CEP85L: variants seen among roughly 807,000 people sequenced by gnomAD.
The protein encoded by CEP85L is centrosomal protein 85L.
In CEP85L, 60 loss-of-function variants were observed where a neutral mutation model predicts 100.3. That is an observed-to-expected ratio of 0.60 (90% confidence interval 0.49 to 0.74). The LOEUF is 0.74. CEP85L is among the 30% of genes least tolerant of loss of function. The pLI, the probability that CEP85L is intolerant of heterozygous loss-of-function variation, is 0.00. For synonymous variants in CEP85L, 319 were observed against 322.7 expected (o/e 0.99, Z 0.12); for missense variants, 973 against 936.2 (o/e 1.04, Z -0.51).
chr6:118,471,847 C>A (rs956168871), intron 10 of CEP85L, among the ~76,000 whole-genome samples: 1 of 150,804 alleles, frequency 6.6e-6, no homozygotes, highest in Non-Finnish European at 1.5e-5. Context: ...TTTGTAACTT[C>A]ATTAGATTGA....
chr6:118,505,690 G>A (rs888485544), intron 5 of CEP85L, among the ~76,000 whole-genome samples: 3 of 152,144 alleles, frequency 2.0e-5, no homozygotes, highest in Non-Finnish European at 4.4e-5. Flanking sequence ...TTCTGGGAAA[G>A]GCAAAACTAT....
intron 5 of CEP85L, among the ~76,000 whole-genome samples, chr6:118,508,384 T>C (rs1775782590): frequency 6.6e-6 from 1 of 152,130 alleles, no homozygotes; most frequent in South Asian, 2.1e-4. Flanking sequence ...GAGACCTCTT[T>C]CTTCTCCAAT....
Position 118,529,681 on chromosome 6 carries a change from CA to C in CEP85L, c.1021-5762del, listed in dbSNP as rs538245339. Among the ~76,000 whole-genome samples the C allele has an allele frequency of 1.5e-4, 22 of 150,616 alleles. No individual in the cohort carries two copies. The South Asian group carries it at 4.4e-3, about 30-fold the overall frequency. Reference sequence around the variant, plus strand: ...TCTATTAAGTTTCAAGTATTATGCCCAAAAGCAGTGAGGAGAAAAAGCCCTT... The same window carrying C: ...TCTATTAAGTTTCAAGTATTATGCCCAAAGCAGTGAGGAGAAAAAGCCCTT... On this transcript the variant is annotated intron_variant, in intron 3 of 12. Coordinates refer to ENST00000368491, the MANE Select transcript of CEP85L (RefSeq NM_001042475.3).
At chr6:118,647,915 A>C (rs1443379686) in intron 1 of CEP85L, among the ~76,000 whole-genome samples, 2 of 152,224 alleles carry the variant, frequency 1.3e-5, no homozygotes, top group Non-Finnish European at 2.9e-5. Context: ...TTGCCAATAC[A>C]AAAAAGAGAG....
At chr6:118,585,469 C>T (rs957391338) in intron 2 of CEP85L, among the ~76,000 whole-genome samples, 1 of 152,160 alleles carries the variant, frequency 6.6e-6, no homozygotes, top group Non-Finnish European at 1.5e-5. Flanking sequence ...GCAAGGAAGG[C>T]TCAAGACAAC....
chr6:118,493,647 T>C (rs1407983327), intron 5 of CEP85L, among the ~76,000 whole-genome samples: 2 of 152,142 alleles, frequency 1.3e-5, no homozygotes, highest in African/African-American at 4.8e-5. Context: ...TATTTAAAGA[T>C]GTAAATGGAA....
At chr6:118,511,751 T>C (rs1310687943) in intron 4 of CEP85L, among the ~76,000 whole-genome samples, 4 of 152,068 alleles carry the variant, frequency 2.6e-5, no homozygotes, top group Non-Finnish European at 5.9e-5. Context: ...AGTAAACAAA[T>C]AGCTTGATGT....
At chr6:118,564,134 T>C (rs62422181) in intron 3 of CEP85L, among the ~76,000 whole-genome samples, 2 of 152,028 alleles carry the variant, frequency 1.3e-5, no homozygotes, top group Non-Finnish European at 2.9e-5. Flanking sequence ...TACCCTCCTC[T>C]GCATTGCTTT....
At chr6:118,525,985 A>G (rs1776940132) in intron 3 of CEP85L, among the ~76,000 whole-genome samples, 1 of 152,242 alleles carries the variant, frequency 6.6e-6, no homozygotes, top group Non-Finnish European at 1.5e-5. Context: ...CTTTGAGATG[A>G]CTGTCAAGTA....
At chr6:118,700,797 C>T (rs891135060) in intron 1 of CEP85L, among the ~76,000 whole-genome samples, 3 of 152,160 alleles carry the variant, frequency 2.0e-5, no homozygotes, top group South Asian at 2.1e-4. Context: ...CAGGAAGGCT[C>T]ATTGGGCTAA....
intron 2 of CEP85L, among the ~76,000 whole-genome samples, chr6:118,569,341 C>CCA (rs1779740224): frequency 1.5e-5 from 1 of 68,198 alleles, no homozygotes; most frequent in Non-Finnish European, 2.4e-5. Flanking sequence ...GACTCTGTCT[C>CCA]AAAAAAAAAA....
intron 2 of CEP85L, among the ~76,000 whole-genome samples, chr6:118,614,873 T>C (rs113961748): frequency 0.33 from 38,281 of 115,844 alleles, 5,073 homozygotes; most frequent in Non-Finnish European, 0.4. Flanking sequence ...GACAGATAGA[T>C]AGATAGATAG....
At chr6:118,481,250 T>A (rs1171686181) in intron 8 of CEP85L, among the ~76,000 whole-genome samples, 5 of 151,986 alleles carry the variant, frequency 3.3e-5, no homozygotes, top group Admixed American at 6.6e-5. Flanking sequence ...TTTTTTTTTT[T>A]TATAAAGCCA....
rs1212464522 is a variant in CEP85L, at chr6:118,515,392, A to C, written c.1140-3977T>G. 2.0e-5 allele frequency among the ~76,000 whole-genome samples: 3 copies of C among 152,326 alleles called. No homozygotes were observed. The East Asian group carries it at 5.8e-4, about 29-fold the overall frequency. On this transcript the variant is annotated intron_variant, in intron 4 of 12. Transcript: ENST00000368491. The stretch of plus-strand genomic sequence containing the variant: ...AACACTATCAACTGATTTGTACTAA[A>C]AGGAATTTCTAGAATACTCCCCACA...
intron 2 of CEP85L, among the ~76,000 whole-genome samples, chr6:118,572,935 GC>G (rs1779994681): frequency 6.6e-6 from 1 of 151,952 alleles, no homozygotes; most frequent in Admixed American, 6.5e-5. Flanking sequence ...AGTGGTGCAC[GC>G]CTCTAATACC....
chr6:118,473,368 A>G (rs1388721649), intron 10 of CEP85L, among the ~76,000 whole-genome samples: 1 of 152,134 alleles, frequency 6.6e-6, no homozygotes, highest in Non-Finnish European at 1.5e-5. Flanking sequence ...GAAGTGAGAG[A>G]TTGTGTCCCA....
chr6:118,660,423 G>A (rs529048710), intron 1 of CEP85L, among the ~76,000 whole-genome samples: 118 of 152,330 alleles, frequency 7.7e-4, no homozygotes, highest in African/African-American at 2.8e-3. Context: ...GGAGCTGGGG[G>A]AGTTGGCAGA....
At chr6:118,483,415 T>G (rs922866061) in intron 7 of CEP85L, among the ~76,000 whole-genome samples, 7 of 152,084 alleles carry the variant, frequency 4.6e-5, no homozygotes, top group South Asian at 4.1e-4. Flanking sequence ...GCACCAGAAC[T>G]GGGGGTGTGT....
intron 2 of CEP85L, among the ~76,000 whole-genome samples, chr6:118,623,409 T>G (rs1773578828): frequency 6.6e-6 from 1 of 152,160 alleles, no homozygotes; most frequent in Admixed American, 6.5e-5. Context: ...AAATCTTACT[T>G]CATGAAATAA....
Sources: allele counts gnomAD v4.1 joint callset (sites outside exome capture counted in the v4.1 genomes callset), GRCh38; gene constraint gnomAD v4.1.1; transcripts MANE v1.5; gene names NCBI Gene and HGNC (gene_info 2026-07-23, HGNC 2026-07-21).